The following GALNTL6 variants were observed in gnomAD, a reference collection of about 807,000 sequenced individuals.
The protein encoded by GALNTL6 is polypeptide N-acetylgalactosaminyltransferase-like 6.
Under a neutral mutation model 73.7 loss-of-function variants are expected in GALNTL6, and 46 were observed. The observed-to-expected ratio is 0.62, with a 90% CI of 0.49 to 0.80. The LOEUF is 0.80. Ranked by LOEUF, GALNTL6 falls within the 30% of genes least tolerant of loss-of-function variation. GALNTL6 has a pLI of 0.00. For missense variants in GALNTL6, 604 were observed against 755.0 expected (o/e 0.80, Z 2.34); for synonymous variants, 259 against 263.7 (o/e 0.98, Z 0.17).
At chr4:172,961,871 T>C (rs995653220) in intron 10 of GALNTL6, among the ~76,000 whole-genome samples, 9 of 151,916 alleles carry the variant, frequency 5.9e-5, no homozygotes, top group Middle Eastern at 3.4e-3. Flanking sequence ...CCAAGGGAGG[T>C]CCCCCGATCT....
intron 4 of GALNTL6, among the ~76,000 whole-genome samples, chr4:172,331,813 T>C (rs1741136017): frequency 6.6e-6 from 1 of 152,222 alleles, no homozygotes; most frequent in African/African-American, 2.4e-5. Context: ...ATACTTTAGC[T>C]GTTGTGAATA....
At chr4:172,512,446 G>A (rs1053945312) in intron 5 of GALNTL6, among the ~76,000 whole-genome samples, 9 of 152,126 alleles carry the variant, frequency 5.9e-5, no homozygotes, top group Non-Finnish European at 1.2e-4. Flanking sequence ...TTCAGCTGTA[G>A]TATTGAGATG....
intron 2 of GALNTL6, among the ~76,000 whole-genome samples, chr4:171,907,761 T>C (rs1372841163): frequency 6.6e-6 from 1 of 151,184 alleles, no homozygotes; most frequent in Non-Finnish European, 1.5e-5. Context: ...AAGGCTACAG[T>C]AACCAAAACA....
chr4:172,154,644 T>TA lies in GALNTL6; in HGVS notation c.139-75011dup, dbSNP rs537164973. Among the ~76,000 whole-genome samples, 35 of 152,334 alleles carry TA rather than the reference T, an allele frequency of 2.3e-4. No homozygotes were observed. In the South Asian group the frequency reaches 7.0e-3, roughly 31 times the overall value. Reference sequence around the variant, plus strand: ...TTTTTGCTGGGTCTCAAAGCCATGGTACATGAATATGCTTCCTCTCACGTA... The same window carrying TA: ...TTTTTGCTGGGTCTCAAAGCCATGGTAACATGAATATGCTTCCTCTCACGTA... On this transcript the variant is annotated intron_variant, in intron 2 of 12. Coordinates refer to ENST00000506823, the MANE Select transcript of GALNTL6 (RefSeq NM_001034845.3).
At chr4:172,037,219 C>T (rs1050240439) in intron 2 of GALNTL6, among the ~76,000 whole-genome samples, 3 of 152,102 alleles carry the variant, frequency 2.0e-5, no homozygotes, top group African/African-American at 7.2e-5. Flanking sequence ...AATAGTTTAT[C>T]TTCTCTGTGT....
chr4:172,369,625 G>A (rs910048272), intron 5 of GALNTL6, among the ~76,000 whole-genome samples: 14 of 152,214 alleles, frequency 9.2e-5, no homozygotes, highest in South Asian at 4.1e-4. Context: ...ATGGGAAGGC[G>A]GCTGAGGCCC....
At chr4:172,475,651 A>T (rs1733204595) in intron 5 of GALNTL6, among the ~76,000 whole-genome samples, 1 of 152,234 alleles carries the variant, frequency 6.6e-6, no homozygotes, top group African/African-American at 2.4e-5. Flanking sequence ...TCCTAGATTT[A>T]AAAATTCATA....
intron 8 of GALNTL6, among the ~76,000 whole-genome samples, chr4:172,927,060 C>G (rs984295373): frequency 1.3e-5 from 2 of 152,146 alleles, no homozygotes; most frequent in South Asian, 4.1e-4. Context: ...TCAGCAACCC[C>G]GTCCCCATCC....
intron 5 of GALNTL6, among the ~76,000 whole-genome samples, chr4:172,533,258 C>T (rs954811132): frequency 1.3e-5 from 2 of 150,636 alleles, no homozygotes; most frequent in African/African-American, 4.9e-5. Context: ...GGTGATCCAC[C>T]CACGTCAGCA....
At chr4:172,925,440 A>G (rs1489422159) in intron 8 of GALNTL6, among the ~76,000 whole-genome samples, 1 of 152,178 alleles carries the variant, frequency 6.6e-6, no homozygotes, top group Non-Finnish European at 1.5e-5. Context: ...TGGTTTACTC[A>G]CATGAGTATG....
intron 2 of GALNTL6, among the ~76,000 whole-genome samples, chr4:171,883,846 T>A (rs1305947670): frequency 6.6e-6 from 1 of 151,834 alleles, no homozygotes; most frequent in Non-Finnish European, 1.5e-5. Flanking sequence ...ATGGGGTTTC[T>A]CCGTGTTGGT....
At chr4:172,722,659 T>C (rs1473870484) in intron 5 of GALNTL6, among the ~76,000 whole-genome samples, 2 of 152,284 alleles carry the variant, frequency 1.3e-5, no homozygotes, top group East Asian at 1.9e-4. Context: ...TTTACCTACA[T>C]GTACCATACC....
chr4:171,874,441 C>T (rs1431380488), intron 2 of GALNTL6, among the ~76,000 whole-genome samples: 4 of 152,182 alleles, frequency 2.6e-5, no homozygotes, highest in East Asian at 3.9e-4. Flanking sequence ...CTGTCCATCT[C>T]GGCCTCCTAA....
At chr4:172,164,412 T>G (rs912760904) in intron 2 of GALNTL6, among the ~76,000 whole-genome samples, 2 of 152,004 alleles carry the variant, frequency 1.3e-5, no homozygotes, top group African/African-American at 4.8e-5. Flanking sequence ...TTAGGATGTA[T>G]TTTATGGATT....
chr4:172,760,755 C>T (rs535502193), intron 5 of GALNTL6, among the ~76,000 whole-genome samples: 3 of 152,070 alleles, frequency 2.0e-5, no homozygotes, highest in Non-Finnish European at 4.4e-5. Flanking sequence ...GGACCCTGAT[C>T]CCTCGCCCCA....
At chr4:171,862,199 T>C (rs137878140) in intron 2 of GALNTL6, among the ~76,000 whole-genome samples, 231 of 152,202 alleles carry the variant, frequency 1.5e-3, no homozygotes, top group Admixed American at 8.6e-3. Flanking sequence ...AGAATTTTAT[T>C]TGAGAGATAA....
intron 10 of GALNTL6, among the ~76,000 whole-genome samples, chr4:173,006,178 G>C (rs761387105): frequency 6.6e-6 from 1 of 152,158 alleles, no homozygotes; most frequent in Non-Finnish European, 1.5e-5. Flanking sequence ...CACTGGCCAT[G>C]AACCTGCAAG....
At chr4:172,333,814 T>C (rs1012712490) in intron 4 of GALNTL6, among the ~76,000 whole-genome samples, 3 of 152,180 alleles carry the variant, frequency 2.0e-5, no homozygotes, top group Non-Finnish European at 2.9e-5. Context: ...TTTTTTATAG[T>C]TTGGGAGCTT....
chr4:172,867,027 T>G (rs1185923407), intron 7 of GALNTL6, among the ~76,000 whole-genome samples: 1 of 152,164 alleles, frequency 6.6e-6, no homozygotes, highest in African/African-American at 2.4e-5. Context: ...CATGGAAATA[T>G]GTAGAAGCGG....
Sources: gnomAD v4.1 joint callset for allele counts (sites outside exome capture counted in the v4.1 genomes callset) on GRCh38, gnomAD v4.1.1 for gene constraint, MANE v1.5 for transcripts, NCBI Gene and HGNC (gene_info 2026-07-23, HGNC 2026-07-21) for gene names.